Variants in ANKAR observed in about 807,000 individuals in gnomAD.
ANKAR encodes the protein ankyrin and armadillo repeat-containing protein.
ANKAR carries 136 observed loss-of-function variants against 146.2 expected under a neutral mutation model. That is an observed-to-expected ratio of 0.93 (90% CI 0.81 to 1.07). ANKAR has a LOEUF of 1.07. Ranked by LOEUF, ANKAR falls within the 50% of genes least tolerant of loss-of-function variation. The probability of loss-of-function intolerance (pLI) is 0.00; values close to 1 mark genes in which losing one functional copy is unlikely to be tolerated. For synonymous variants in ANKAR, 500 were observed against 575.8 expected, an observed-to-expected ratio of 0.87 and a Z score of 1.88; for missense variants, 1,567 against 1,679.9, an observed-to-expected ratio of 0.93 and a Z score of 1.18.
chr2:189,676,178 A>G (rs942530898), intron 1 of ANKAR: 1 of 274,324 alleles, frequency 3.6e-6, no homozygotes, highest in Non-Finnish European at 6.8e-6. Flanking sequence ...AGCTTCTCAC[A>G]GATAAACTTA....
Position 189,705,039 on chromosome 2 carries a change from C to G in ANKAR, c.1725C>G (p.His575Gln). 6.2e-7 allele frequency: 1 copy of G among 1,613,984 alleles called. No homozygotes were observed. Among genetic ancestry groups the G allele is most frequent in the Non-Finnish European group, 8.5e-7 (1 of 1,179,980 alleles). ...VTFSQGPTPL[H>Q]LAAQACSLET... ...CCATTCTAGGTCCAACACCTCTACACCTTGCTGCACAGGCTTGCTCATTAG... is the reference window on the plus strand; with the variant it reads ...CCATTCTAGGTCCAACACCTCTACAGCTTGCTGCACAGGCTTGCTCATTAG... The change falls in exon 8 of 23, where the codon CAC (histidine) becomes CAG (glutamine). Residue 575 changes from histidine to glutamine, a missense_variant. His to Gln is a conservative substitution (Grantham distance 24, BLOSUM62 0). Coordinates refer to ENST00000684021, the MANE Select transcript of ANKAR (RefSeq NM_001378068.1).
At chr2:189,696,414 C>T (rs1373904916) in intron 7 of ANKAR, 45 bp downstream of exon 7, 9 of 1,560,922 alleles carry the variant, frequency 5.8e-6, no homozygotes, top group African/African-American at 2.7e-5. Flanking sequence ...TTTTATTTAC[C>T]CTTACTCAGC....
chr2:189,689,205 T>A (rs1023957000), intron 2 of ANKAR, among the ~76,000 whole-genome samples: 2 of 152,162 alleles, frequency 1.3e-5, no homozygotes, highest in Non-Finnish European at 2.9e-5. Flanking sequence ...ATGATCTGTA[T>A]TTTAACATTA....
intron 2 of ANKAR, among the ~76,000 whole-genome samples, chr2:189,685,083 G>A (rs1468649603): frequency 6.6e-6 from 1 of 151,764 alleles, no homozygotes; most frequent in African/African-American, 2.4e-5. Flanking sequence ...TCAGCTCATT[G>A]CAGCCTCAGA....
At chr2:189,746,302 A>G (rs910385314) in intron 22 of ANKAR, 78 bp from the exon 23 acceptor site, 3 of 1,421,124 alleles carry the variant, frequency 2.1e-6, no homozygotes, top group Non-Finnish European at 2.8e-6. Context: ...TAAAGAAAAT[A>G]GAACTACATA....
chr2:189,746,599 A>G lies in ANKAR; in HGVS notation c.4277A>G (p.Lys1426Arg), dbSNP rs759576978. The change falls in exon 23 of 23, where the codon AAA (lysine) becomes AGA (arginine). Residue 1426 changes from lysine (K) to arginine (R), a missense_variant. Physicochemically the swap from Lys to Arg is conservative, Grantham distance 26 (BLOSUM62 2). Coordinates refer to ENST00000684021, the MANE Select transcript of ANKAR (RefSeq NM_001378068.1). ...CLNQLGKHVQ[K>R]ANPEPAEG ...AACCAACTTGGGAAACATGTCCAGA[A>G]AGCCAACCCAGAGCCTGCAGAAGGC... 2 of 1,610,988 alleles carry G rather than the reference A, an allele frequency of 1.2e-6. No homozygotes were observed. The highest frequency in any genetic ancestry group is 1.7e-6 in the Non-Finnish European group (2 of 1,179,156).
chr2:189,759,824 C>T (rs1354926634), intron 18 of ANKAR, among the ~76,000 whole-genome samples: 1 of 151,818 alleles, frequency 6.6e-6, no homozygotes, highest in East Asian at 1.9e-4. Context: ...TTGGCAGGGC[C>T]ATAGGACAAT....
At chr2:189,722,541 A>ACTTTTGCTCACC (rs2041406104) in intron 12 of ANKAR, among the ~76,000 whole-genome samples, 1 of 152,126 alleles carries the variant, frequency 6.6e-6, no homozygotes, top group Non-Finnish European at 1.5e-5. Context: ...AACAAAGTAC[A>ACTTTTGCTCACC]AATTGTAGCA....
intron 7 of ANKAR, among the ~76,000 whole-genome samples, chr2:189,700,038 A>ATT (rs56858302): frequency 2.5e-4 from 37 of 149,400 alleles, no homozygotes; most frequent in African/African-American, 7.4e-4. Flanking sequence ...CTTGACCTTC[A>ATT]TTTTTTTTTT....
chr2:189,746,537 T>C lies in ANKAR; in HGVS notation c.4215T>C (p.Asp1405=), dbSNP rs571885033. ...CTTTTTCATCTACAATTACATCAGA[T>C]ATCACAAATGTATCAAGACCAAGAA... The part of the protein sequence containing the change: ...IFSFSSTITS[D]ITNVSRPRIV... The change falls in exon 23 of 23, where the codon GAT becomes GAC. Residue 1405 remains aspartate (D), a synonymous_variant. Coordinates refer to ENST00000684021, the MANE Select transcript of ANKAR (RefSeq NM_001378068.1). 9.3e-6 allele frequency: 15 copies of C among 1,613,862 alleles called. No homozygotes were observed. In the East Asian group the frequency reaches 3.1e-4, roughly 34 times the overall value.
chr2:189,711,058 A>G lies in ANKAR; in HGVS notation c.2129A>G (p.Gln710Arg), dbSNP rs767273161. The G allele has an allele frequency of 3.1e-6, 5 of 1,612,562 alleles. No individual in the cohort carries two copies. The highest frequency in any genetic ancestry group is 1.6e-4 in the Middle Eastern group (1 of 6,072). ...PVWKTLVEML[Q>R]CESYKRRMMA... Reference sequence around the variant, plus strand: ...GTTGAACACTTAACAGAAATGTTACAGTGTGAAAGCTATAAACGAAGGATG... The same window carrying G: ...GTTGAACACTTAACAGAAATGTTACGGTGTGAAAGCTATAAACGAAGGATG... The change falls in exon 10 of 23, where the codon CAG becomes CGG. Residue 710 changes from glutamine (Q) to arginine (R), a missense_variant. By Grantham distance (43) the Gln-to-Arg change is conservative. Coordinates refer to ENST00000684021, the MANE Select transcript of ANKAR (RefSeq NM_001378068.1).
intron 12 of ANKAR, among the ~76,000 whole-genome samples, chr2:189,721,719 T>C (rs991887927): frequency 2.6e-5 from 4 of 152,150 alleles, no homozygotes; most frequent in Non-Finnish European, 5.9e-5. Flanking sequence ...AAATATACGG[T>C]TTTCCCCAAA....
At chr2:189,755,465 G>A (rs1460602730) in intron 18 of ANKAR, 1 of 1,604,298 alleles carries the variant, frequency 6.2e-7, no homozygotes, top group Non-Finnish European at 8.5e-7. Context: ...GAGGTCACTT[G>A]GAGAGACTCC....
At chr2:189,714,969 A>G (rs1256448027) in intron 10 of ANKAR, among the ~76,000 whole-genome samples, 1 of 87,026 alleles carries the variant, frequency 1.1e-5, no homozygotes, top group East Asian at 2.9e-4. Context: ...AAAAAAAAAG[A>G]GAGAGAGAGA....
At chr2:189,745,767 A>T (rs978602221) in intron 22 of ANKAR, among the ~76,000 whole-genome samples, 1 of 152,334 alleles carries the variant, frequency 6.6e-6, no homozygotes, top group East Asian at 1.9e-4. Flanking sequence ...AAAAGACAGT[A>T]AAAGGAGAGG....
At chr2:189,728,486 G>A (rs1391867240) in intron 14 of ANKAR, 66 bp downstream of exon 14, 8 of 1,507,566 alleles carry the variant, frequency 5.3e-6, no homozygotes, top group Non-Finnish European at 7.1e-6. Context: ...TGCCCAGCCT[G>A]GTGTGCAGTG....
At chr2:189,734,981 T>C (rs2105867699) in intron 17 of ANKAR, among the ~76,000 whole-genome samples, 1 of 150,622 alleles carries the variant, frequency 6.6e-6, no homozygotes, top group African/African-American at 2.4e-5. Flanking sequence ...AGAATATATA[T>C]ATATATATAT....
intron 18 of ANKAR, chr2:189,752,632 A>C: frequency 6.2e-7 from 1 of 1,612,654 alleles, no homozygotes; most frequent in Admixed American, 1.7e-5. Context: ...TTGCATAAAG[A>C]TCATGAATGA....
At chr2:189,727,306 A>G (rs945048683) in intron 12 of ANKAR, among the ~76,000 whole-genome samples, 1 of 152,172 alleles carries the variant, frequency 6.6e-6, no homozygotes, top group African/African-American at 2.4e-5. Flanking sequence ...GAAGGCTAAG[A>G]TGCTATTATC....
Sources: gnomAD v4.1 joint callset for allele counts (sites outside exome capture counted in the v4.1 genomes callset) on GRCh38, gnomAD v4.1.1 for gene constraint, MANE v1.5 for transcripts, NCBI Gene and HGNC (gene_info 2026-07-23, HGNC 2026-07-21) for gene names.